COL4A6: variants seen among roughly 807,000 people sequenced by gnomAD.
The protein encoded by COL4A6 is collagen type IV alpha 6 chain.
In COL4A6, 59 loss-of-function variants were observed where a neutral mutation model predicts 126.7. That is an observed-to-expected ratio of 0.47 (90% confidence interval 0.38 to 0.58). The LOEUF is 0.58. Ranked by LOEUF, COL4A6 falls within the 20% of genes least tolerant of loss-of-function variation. COL4A6 has a pLI of 0.00. For missense variants in COL4A6, 1,285 were observed against 1,337.3 expected, an observed-to-expected ratio of 0.96 and a Z score of 0.61; for synonymous variants, 547 against 496.6, an observed-to-expected ratio of 1.10 and a Z score of -1.35.
intron 3 of COL4A6, among the ~76,000 whole-genome samples, chrX:108,233,390 T>C (rs2036359059): frequency 9.0e-6 from 1 of 111,707 alleles, no homozygotes. Flanking sequence ...CTTCCCTGAT[T>C]CTCTGGTGAA....
At chrX:108,420,177 T>C (rs1288957996) in intron 2 of COL4A6, among the ~76,000 whole-genome samples, 2 of 111,666 alleles carry the variant, frequency 1.8e-5, no homozygotes, top group Non-Finnish European at 3.8e-5. Context: ...GTCCCTTAAC[T>C]AGCCCCAATC....
rs996179332 is a variant in COL4A6 at position 108,203,070 on chromosome X, G to C, written c.781-89C>G. 4 of 755,090 alleles carry C rather than the reference G, an allele frequency of 5.3e-6. No individual in the cohort carries two copies. In the African/African-American group the frequency reaches 8.4e-5, roughly 16 times the overall value. The allele number at this position is 755,090 out of a possible 1,213,427, so 62.2% of individuals were successfully genotyped here. ...TCTCCACATGTACTTGGACTGAGGA[G>C]TGGGGAACCAATGAAGTATCAAGAT... On this transcript the variant is annotated intron_variant, in intron 12 of 44. Coordinates refer to ENST00000334504, the MANE Select transcript of COL4A6 (RefSeq NM_033641.4).
chrX:108,318,958 C>T (rs1472500096), intron 2 of COL4A6, among the ~76,000 whole-genome samples: 2 of 112,639 alleles, frequency 1.8e-5, no homozygotes, highest in Admixed American at 1.9e-4. Flanking sequence ...GGAAGTGATA[C>T]ATCTCTTGTG....
intron 13 of COL4A6, among the ~76,000 whole-genome samples, chrX:108,197,772 AGTGTGTGTGTGT>A (rs57928875): frequency 3.6e-4 from 31 of 87,249 alleles, no homozygotes; most frequent in Admixed American, 6.6e-4. Context: ...TATTGGGAGG[AGTGTGTGTGTGT>A]GTGTGTGTGT....
chrX:108,265,943 C>A (rs1472861560), intron 3 of COL4A6, among the ~76,000 whole-genome samples: 1 of 111,061 alleles, frequency 9.0e-6, no homozygotes, highest in Admixed American at 9.6e-5. Flanking sequence ...AACAAAACAA[C>A]ACAGTAAATA....
At chrX:108,366,229 C>A (rs919289643) in intron 2 of COL4A6, among the ~76,000 whole-genome samples, 4 of 111,575 alleles carry the variant, frequency 3.6e-5, no homozygotes, top group African/African-American at 1.3e-4. Flanking sequence ...TTGTTTTCAT[C>A]CCCATTTTAC....
chrX:108,206,311 C>G, intron 9 of COL4A6: 1 of 537,332 alleles, frequency 1.9e-6, no homozygotes, highest in Admixed American at 2.3e-5. Context: ...GCTTTAGAGG[C>G]ACAGATTGGA....
intron 3 of COL4A6, among the ~76,000 whole-genome samples, chrX:108,250,821 T>C (rs1378651272): frequency 8.9e-6 from 1 of 112,201 alleles, no homozygotes; most frequent in Non-Finnish European, 1.9e-5. Context: ...CTGTGTTCAT[T>C]CTGCCTTGAT....
At chrX:108,321,356 G>GT (rs1251457964) in intron 2 of COL4A6, among the ~76,000 whole-genome samples, 1 of 110,591 alleles carries the variant, frequency 9.0e-6, no homozygotes, top group Admixed American at 9.6e-5. Context: ...TTTGTTTTTT[G>GT]TTTTTGTTGT....
rs2036002377 is a variant in COL4A6, at chrX:108,220,978, A to T, written c.279+262T>A. On this transcript the variant is annotated intron_variant, in intron 4 of 44. Coordinates refer to ENST00000334504, the MANE Select transcript of COL4A6 (RefSeq NM_033641.4). The stretch of plus-strand genomic sequence containing the variant: ...AATTAGCTGGTGGCAGGCACCTGTA[A>T]TCCCAGCTACTTGGAAGGTGGAGGC... 8 of 357,554 alleles carry T rather than the reference A, an allele frequency of 2.2e-5. No homozygotes were observed. In the Admixed American group the frequency reaches 2.6e-4, roughly 12 times the overall value. The allele number at this position is 357,554 out of a possible 1,213,427, so 29.5% of individuals were successfully genotyped here. A position where few individuals can be genotyped will look rare whatever the true frequency, so the allele number is the denominator to read the frequency against.
chrX:108,279,081 C>G (rs2037714502), intron 3 of COL4A6, among the ~76,000 whole-genome samples: 1 of 111,891 alleles, frequency 8.9e-6, no homozygotes, highest in Non-Finnish European at 1.9e-5. Flanking sequence ...GAAACTGCAT[C>G]AACTAACTAG....
intron 3 of COL4A6, among the ~76,000 whole-genome samples, chrX:108,305,503 A>T (rs1396574941): frequency 8.9e-6 from 1 of 111,733 alleles, no homozygotes; most frequent in South Asian, 3.8e-4. Flanking sequence ...GAGTTTCATG[A>T]TACATATTTG....
At chrX:108,231,038 C>T (rs1327295919) in intron 3 of COL4A6, among the ~76,000 whole-genome samples, 1 of 111,373 alleles carries the variant, frequency 9.0e-6, no homozygotes, top group Non-Finnish European at 1.9e-5. Context: ...ATGTTAACAT[C>T]ACCTACAATT....
chrX:108,245,266 G>A (rs1481727164), intron 3 of COL4A6, among the ~76,000 whole-genome samples: 2 of 112,210 alleles, frequency 1.8e-5, no homozygotes, highest in Admixed American at 1.9e-4. Flanking sequence ...CTTCCCTTCA[G>A]ATGCTTCCAA....
chrX:108,410,233 T>C (rs1472104814), intron 2 of COL4A6, among the ~76,000 whole-genome samples: 1 of 111,308 alleles, frequency 9.0e-6, no homozygotes, highest in African/African-American at 3.3e-5. Context: ...TATCACTCCT[T>C]AGCCTCCATG....
Position 108,261,109 on chromosome X carries a change from C to T in COL4A6, c.145-39735G>A, listed in dbSNP as rs187742101. Among the ~76,000 whole-genome samples, 15 of 111,397 alleles carry T rather than the reference C, an allele frequency of 1.3e-4. 1 individual carries two copies. Among genetic ancestry groups the T allele is most frequent in the South Asian group, 1.1e-3 (3 of 2,639 alleles). The stretch of plus-strand genomic sequence containing the variant: ...GCCTTCTTCAAGGAGCTGGCCAACA[C>T]GATTGCTAATCATTTAGCATGGTGC... On this transcript the variant is annotated intron_variant, in intron 3 of 44. Coordinates refer to ENST00000334504, the MANE Select transcript of COL4A6 (RefSeq NM_033641.4).
At chrX:108,176,312 CA>C (rs55686119) in intron 28 of COL4A6, among the ~76,000 whole-genome samples, 61 of 78,352 alleles carry the variant, frequency 7.8e-4, no homozygotes, top group East Asian at 5.5e-3. Flanking sequence ...AAAACTCTGT[CA>C]AAAAAAAAAA....
At chrX:108,412,646 C>T (rs891327797) in intron 2 of COL4A6, among the ~76,000 whole-genome samples, 2 of 111,699 alleles carry the variant, frequency 1.8e-5, no homozygotes, top group African/African-American at 3.3e-5. Context: ...TGTTGCCTTC[C>T]GGTACCCAAC....
At chrX:108,259,505 G>A (rs1253982633) in intron 3 of COL4A6, among the ~76,000 whole-genome samples, 1 of 111,391 alleles carries the variant, frequency 9.0e-6, no homozygotes, top group African/African-American at 3.3e-5. Context: ...GTGTCTTGCG[G>A]GATTCTCTCC....
Sources: allele counts gnomAD v4.1 joint callset (sites outside exome capture counted in the v4.1 genomes callset), GRCh38; gene constraint gnomAD v4.1.1; transcripts MANE v1.5; gene names NCBI Gene and HGNC (gene_info 2026-07-23, HGNC 2026-07-21).